The following BNC2 variants were observed in gnomAD, a reference collection of about 807,000 sequenced individuals.
The protein encoded by BNC2 is basonuclin zinc finger protein 2.
A neutral mutation model predicts 76.3 loss-of-function variants in BNC2; 20 were observed. That is an observed-to-expected ratio of 0.26 (90% CI 0.18 to 0.38). BNC2 has a LOEUF of 0.38. Among genes scored for constraint, BNC2 ranks in the 10% least tolerant of loss-of-function variants. BNC2 has a pLI of 1.00. For synonymous variants in BNC2, 582 were observed against 514.8 expected (o/e 1.13, Z -1.77); for missense variants, 1,382 against 1,399.8 (o/e 0.99, Z 0.20).
chr9:16,629,232 G>C (rs989269747), intron 3 of BNC2, among the ~76,000 whole-genome samples: 1 of 152,016 alleles, frequency 6.6e-6, no homozygotes, highest in South Asian at 2.1e-4. Context: ...TGCTTGATTC[G>C]GCAATAATCT....
intron 5 of BNC2, among the ~76,000 whole-genome samples, chr9:16,469,584 A>G (rs1220588615): frequency 6.6e-6 from 1 of 152,164 alleles, no homozygotes; most frequent in East Asian, 1.9e-4. Context: ...AATACAGTAA[A>G]TTGGTACCAG....
chr9:16,870,074 A>G (rs1223906769), intron 1 of BNC2, among the ~76,000 whole-genome samples: 5 of 151,976 alleles, frequency 3.3e-5, no homozygotes, highest in East Asian at 1.9e-4. Context: ...TCCCATCTCC[A>G]TTTACCACGG....
intron 3 of BNC2, among the ~76,000 whole-genome samples, chr9:16,613,928 G>C (rs1415436044): frequency 2.6e-5 from 4 of 152,142 alleles, no homozygotes; most frequent in African/African-American, 7.2e-5. Context: ...GATTACAAAA[G>C]AAAGGTAACA....
In BNC2 at chr9:16,412,547, T is replaced by C. The variant is rs1190134270; in HGVS notation, c.*6442A>G. ...GTTTTCAAAGAAGCAAAGGATGCCG[T>C]CACAGACAGCATCTCTCTACTGACC... On this transcript the variant is annotated 3_prime_UTR_variant, in exon 7 of 7. Coordinates refer to ENST00000380672, the MANE Select transcript of BNC2 (RefSeq NM_017637.6). 6.6e-6 allele frequency: 1 copy of C among 152,600 alleles called. No homozygotes were observed. The highest frequency in any genetic ancestry group is 1.5e-5 in the Non-Finnish European group (1 of 68,036). 9.5% of individuals were successfully genotyped at this position (152,600 alleles called of 1,614,324 possible).
chr9:16,577,362 G>A (rs1819515181), intron 4 of BNC2, among the ~76,000 whole-genome samples: 1 of 151,456 alleles, frequency 6.6e-6, no homozygotes, highest in Admixed American at 6.6e-5. Context: ...ATTATATCCA[G>A]TGAATACAAA....
chr9:16,430,639 T>C (rs1820891083), intron 6 of BNC2, among the ~76,000 whole-genome samples: 1 of 152,332 alleles, frequency 6.6e-6, no homozygotes, highest in East Asian at 1.9e-4. Flanking sequence ...GTAGCTCATG[T>C]TAATTTATTC....
At chr9:16,678,167 A>G (rs1822707966) in intron 3 of BNC2, among the ~76,000 whole-genome samples, 1 of 150,278 alleles carries the variant, frequency 6.7e-6, no homozygotes, top group Non-Finnish European at 1.5e-5. Context: ...TAAGGGAGGG[A>G]CGAAGGGGTG....
chr9:16,491,446 G>C (rs1040174004), intron 5 of BNC2, among the ~76,000 whole-genome samples: 5 of 152,084 alleles, frequency 3.3e-5, no homozygotes, highest in African/African-American at 1.2e-4. Flanking sequence ...CAGAGGTAAG[G>C]GTCAAAATAA....
chr9:16,558,933 C>CAA (rs574756487), intron 4 of BNC2, among the ~76,000 whole-genome samples: 36 of 81,220 alleles, frequency 4.4e-4, no homozygotes, highest in African/African-American at 1.4e-3. Flanking sequence ...GACTCCGTCT[C>CAA]AAAAAAAAAA....
intron 1 of BNC2, among the ~76,000 whole-genome samples, chr9:16,855,468 G>A (rs1175245316): frequency 6.6e-6 from 1 of 152,174 alleles, no homozygotes; most frequent in Non-Finnish European, 1.5e-5. Flanking sequence ...GGCAAATGAA[G>A]GCAATTAGAA....
At chr9:16,689,902 C>G (rs1823103219) in intron 3 of BNC2, among the ~76,000 whole-genome samples, 1 of 152,046 alleles carries the variant, frequency 6.6e-6, no homozygotes. Flanking sequence ...TGAGAAAGAG[C>G]AGATAAAGAA....
At chr9:16,561,742 C>CACAG (rs1219259222) in intron 4 of BNC2, among the ~76,000 whole-genome samples, 3 of 152,164 alleles carry the variant, frequency 2.0e-5, no homozygotes, top group Non-Finnish European at 1.5e-5. Context: ...GTGGCTCACA[C>CACAG]CTGTAAATCC....
At chr9:16,756,731 T>G (rs2135338446) in intron 1 of BNC2, among the ~76,000 whole-genome samples, 1 of 152,352 alleles carries the variant, frequency 6.6e-6, no homozygotes, top group Admixed American at 6.5e-5. Flanking sequence ...GGCTCACGCC[T>G]ATAATCCCAG....
At chr9:16,780,672 C>T (rs1826127571) in intron 1 of BNC2, among the ~76,000 whole-genome samples, 1 of 152,034 alleles carries the variant, frequency 6.6e-6, no homozygotes, top group Non-Finnish European at 1.5e-5. Context: ...TATTGGTTAT[C>T]TATGATGTAC....
chr9:16,632,895 C>T (rs1171910888), intron 3 of BNC2, among the ~76,000 whole-genome samples: 2 of 152,080 alleles, frequency 1.3e-5, no homozygotes, highest in African/African-American at 4.8e-5. Flanking sequence ...ACAATATAAT[C>T]GAGTTTTATA....
intron 3 of BNC2, among the ~76,000 whole-genome samples, chr9:16,690,038 A>G (rs1823108791): frequency 6.6e-6 from 1 of 152,238 alleles, no homozygotes; most frequent in African/African-American, 2.4e-5. Context: ...GTTAAATTAT[A>G]TCTCCATTTT....
At chr9:16,443,956 T>G (rs1395290814) in intron 5 of BNC2, among the ~76,000 whole-genome samples, 1 of 152,204 alleles carries the variant, frequency 6.6e-6, no homozygotes, top group Non-Finnish European at 1.5e-5. Context: ...CGGATTTTAT[T>G]GTATGGAAAG....
At chr9:16,757,990 T>C (rs1447015485) in intron 1 of BNC2, among the ~76,000 whole-genome samples, 1 of 152,212 alleles carries the variant, frequency 6.6e-6, no homozygotes, top group East Asian at 1.9e-4. Flanking sequence ...ACAGTTCTTA[T>C]CTTACAGTTA....
intron 4 of BNC2, among the ~76,000 whole-genome samples, chr9:16,569,717 A>G (rs1295548823): frequency 6.6e-6 from 1 of 152,198 alleles, no homozygotes; most frequent in African/African-American, 2.4e-5. Context: ...GCTCTTTTGC[A>G]GCAACTCCAC....
Sources: gnomAD v4.1 joint callset for allele counts (sites outside exome capture counted in the v4.1 genomes callset) on GRCh38, gnomAD v4.1.1 for gene constraint, MANE v1.5 for transcripts, NCBI Gene and HGNC (gene_info 2026-07-23, HGNC 2026-07-21) for gene names.